The following SIPA1L1 variants were observed in gnomAD, a reference collection of about 807,000 sequenced individuals.
The protein encoded by SIPA1L1 is signal induced proliferation associated 1 like 1, also known as signal-induced proliferation-associated 1-like protein 1.
In SIPA1L1, 26 loss-of-function variants were observed where a neutral mutation model predicts 162.7. The observed-to-expected ratio is 0.16, with a 90% CI of 0.12 to 0.22. SIPA1L1 has a LOEUF of 0.22. Ranked by LOEUF, SIPA1L1 falls within the 10% of genes least tolerant of loss-of-function variation. The pLI is 1.00. For synonymous variants in SIPA1L1, 829 were observed against 837.4 expected, an observed-to-expected ratio of 0.99 and a Z score of 0.17; for missense variants, 1,874 against 2,241.0, an observed-to-expected ratio of 0.84 and a Z score of 3.31.
intron 2 of SIPA1L1, among the ~76,000 whole-genome samples, chr14:71,397,964 T>G (rs1025312181): frequency 4.0e-5 from 6 of 151,776 alleles, no homozygotes; most frequent in Non-Finnish European, 5.9e-5. Flanking sequence ...CTTTTTTTCT[T>G]GAAAGGTTGA....
rs1308904123 is a variant in SIPA1L1 at position 71,377,635 on chromosome 14, G to A, written c.-465+56454G>A. Among the ~76,000 whole-genome samples the A allele has an allele frequency of 6.6e-6, 1 of 152,204 alleles. No homozygotes were observed. The highest frequency in any genetic ancestry group is 2.4e-5 in the African/African-American group (1 of 41,450). The stretch of plus-strand genomic sequence containing the variant: ...GGAGGCCAAGGCAGGCGGCTGGGAG[G>A]TGGAGGTTGTAGCGAGCTGAGATCA... On this transcript the variant is annotated intron_variant, in intron 2 of 23. Coordinates refer to ENST00000381232, the MANE Select transcript of SIPA1L1 (RefSeq NM_001386936.1). The surrounding 1 kb of genome is among the most constrained non-coding windows in gnomAD (Gnocchi z 4.8).
At chr14:71,667,440 C>T (rs905092920) in intron 10 of SIPA1L1, among the ~76,000 whole-genome samples, 1 of 152,170 alleles carries the variant, frequency 6.6e-6, no homozygotes, top group Non-Finnish European at 1.5e-5. Flanking sequence ...GGGACATCTT[C>T]AGCCTTGATC....
intron 2 of SIPA1L1, among the ~76,000 whole-genome samples, chr14:71,479,336 G>GGTATGTATGTATGTAT (rs59082026): frequency 0.03 from 4,427 of 148,300 alleles, 77 homozygotes; most frequent in East Asian, 0.065. Context: ...TGTGTATGTA[G>GGTATGTATGTATGTAT]GTATGTATGT....
At chr14:71,468,028 G>A (rs2047156272) in intron 2 of SIPA1L1, among the ~76,000 whole-genome samples, 1 of 151,486 alleles carries the variant, frequency 6.6e-6, no homozygotes, top group African/African-American at 2.4e-5. Context: ...GTGTGTGTGT[G>A]TGTGTGTGTG....
In SIPA1L1 at chr14:71,668,013, C is replaced by T. The variant is rs968820286; in HGVS notation, c.2256-3106C>T. ...CCAGGAGGCAGAGGTTGCAGTGAGC[C>T]GAGATCGCGCCACTGCACTCCAGCC... On this transcript the variant is annotated intron_variant, in intron 10 of 23. Coordinates refer to ENST00000381232, the MANE Select transcript of SIPA1L1 (RefSeq NM_001386936.1). Among the ~76,000 whole-genome samples the T allele has an allele frequency of 3.3e-5, 5 of 151,704 alleles. No individual in the cohort carries two copies. The East Asian group carries it at 5.8e-4, about 18-fold the overall frequency.
intron 2 of SIPA1L1, among the ~76,000 whole-genome samples, chr14:71,468,676 C>T (rs2047215881): frequency 6.6e-6 from 1 of 152,254 alleles, no homozygotes; most frequent in East Asian, 1.9e-4. Flanking sequence ...GACAGGGGCA[C>T]ATATCCAAAC....
At chr14:71,732,012 G>C (rs2084837028) in intron 20 of SIPA1L1, among the ~76,000 whole-genome samples, 1 of 152,228 alleles carries the variant, frequency 6.6e-6, no homozygotes, top group Non-Finnish European at 1.5e-5. Context: ...AAGGGCAGAA[G>C]GGTTGTGAGT....
At chr14:71,616,835 A>G (rs1055819444) in intron 5 of SIPA1L1, among the ~76,000 whole-genome samples, 1 of 152,114 alleles carries the variant, frequency 6.6e-6, no homozygotes, top group African/African-American at 2.4e-5. Flanking sequence ...GAGGATGAGG[A>G]TGAATTGAGG....
intron 5 of SIPA1L1, among the ~76,000 whole-genome samples, chr14:71,610,301 A>G (rs765073715): frequency 6.6e-6 from 1 of 152,212 alleles, no homozygotes; most frequent in Non-Finnish European, 1.5e-5. Context: ...GCCTTGTAAT[A>G]TAAGTTTTTT....
At chr14:71,361,719 C>G (rs1044631925) in intron 2 of SIPA1L1, among the ~76,000 whole-genome samples, 6 of 152,158 alleles carry the variant, frequency 3.9e-5, no homozygotes, top group Non-Finnish European at 7.4e-5. Context: ...AGGAACTGGA[C>G]AGTAGCTACC....
chr14:71,381,775 G>C (rs916422653), intron 2 of SIPA1L1, among the ~76,000 whole-genome samples: 2 of 152,236 alleles, frequency 1.3e-5, no homozygotes, highest in African/African-American at 4.8e-5. Flanking sequence ...GTGTGTGCTG[G>C]TCAGGTTGTT....
intron 2 of SIPA1L1, among the ~76,000 whole-genome samples, chr14:71,431,392 G>T (rs533818647): frequency 1.7e-4 from 26 of 152,072 alleles, no homozygotes; most frequent in Non-Finnish European, 3.4e-4. Context: ...GACTTAACTA[G>T]TACATAAAAG....
intron 3 of SIPA1L1, among the ~76,000 whole-genome samples, chr14:71,513,838 G>A (rs2051422043): frequency 6.6e-6 from 1 of 152,172 alleles, no homozygotes; most frequent in African/African-American, 2.4e-5. Context: ...AGGGATGACA[G>A]TTAGGGATGG....
intron 2 of SIPA1L1, among the ~76,000 whole-genome samples, chr14:71,489,339 G>A (rs547825591): frequency 3.8e-4 from 58 of 152,280 alleles, no homozygotes; most frequent in African/African-American, 1.3e-3. Flanking sequence ...CAGTCTGTGT[G>A]CTATATGTCT....
At chr14:71,412,333 C>T (rs1389881132) in intron 2 of SIPA1L1, among the ~76,000 whole-genome samples, 7 of 152,174 alleles carry the variant, frequency 4.6e-5, no homozygotes, top group African/African-American at 1.2e-4. Context: ...CATCAGCTAT[C>T]GTTAGTGTAT....
intron 2 of SIPA1L1, among the ~76,000 whole-genome samples, chr14:71,355,231 C>T (rs190305731): frequency 4.3e-4 from 66 of 152,258 alleles, no homozygotes; most frequent in Admixed American, 4.2e-3. Flanking sequence ...TTACTTTTTC[C>T]GTCTTTGCCA....
intron 19 of SIPA1L1, among the ~76,000 whole-genome samples, chr14:71,726,328 C>T (rs2084243644): frequency 6.6e-6 from 1 of 152,178 alleles, no homozygotes; most frequent in East Asian, 1.9e-4. Flanking sequence ...CTTTCTTTAT[C>T]CATCAAAACC....
chr14:71,486,548 T>A (rs2048770910), intron 2 of SIPA1L1, among the ~76,000 whole-genome samples: 3 of 152,210 alleles, frequency 2.0e-5, no homozygotes, highest in Admixed American at 2.0e-4. Flanking sequence ...CCAGCCCAAA[T>A]AAAATGATAC....
intron 2 of SIPA1L1, among the ~76,000 whole-genome samples, chr14:71,422,675 G>A (rs755343971): frequency 2.0e-5 from 3 of 152,130 alleles, no homozygotes; most frequent in Non-Finnish European, 2.9e-5. Context: ...TTTATAAAGC[G>A]GAATAATATT....
Sources: gnomAD v4.1 joint callset for allele counts (sites outside exome capture counted in the v4.1 genomes callset) on GRCh38, gnomAD v4.1.1 for gene constraint, Gnocchi (gnomAD v3.1) non-coding constraint, MANE v1.5 for transcripts, NCBI Gene and HGNC (gene_info 2026-07-23, HGNC 2026-07-21) for gene names.